The following CABCOCO1 variants were observed in gnomAD, a reference collection of about 807,000 sequenced individuals.
The protein encoded by CABCOCO1 is ciliary associated calcium binding coiled-coil 1.
In CABCOCO1, 28 loss-of-function variants were observed where a neutral mutation model predicts 35.7. The ratio of observed to expected loss-of-function variants is 0.78; its 90% CI spans 0.58 to 1.07. CABCOCO1 has a LOEUF of 1.07. Among genes scored for constraint, CABCOCO1 ranks in the 50% least tolerant of loss-of-function variants. The pLI, the probability that CABCOCO1 is intolerant of heterozygous loss-of-function variation, is 0.00. For synonymous variants in CABCOCO1, 95 were observed against 100.1 expected, an observed-to-expected ratio of 0.95 and a Z score of 0.30; for missense variants, 326 against 309.2, an observed-to-expected ratio of 1.05 and a Z score of -0.41.
rs527892199 is a variant in CABCOCO1, at chr10:61,726,108, G to A, written c.553-33951G>A. 5.7e-4 allele frequency among the ~76,000 whole-genome samples: 87 copies of A among 152,192 alleles called. No homozygotes were observed. The Middle Eastern group carries it at 0.017, about 30-fold the overall frequency. ...TAAAATCTATCAAAATTTTAGGCAG[G>A]CATACCCCTTGACATAGCAATTTTA... On this transcript the variant is annotated intron_variant, in intron 5 of 7. Coordinates refer to ENST00000648843, the MANE Select transcript of CABCOCO1 (RefSeq NM_001366906.2).
At chr10:61,702,292 A>G (rs1490971913) in intron 5 of CABCOCO1, among the ~76,000 whole-genome samples, 1 of 152,148 alleles carries the variant, frequency 6.6e-6, no homozygotes, top group African/African-American at 2.4e-5. Context: ...TTCAATTTAA[A>G]CTATTTTGTC....
At chr10:61,676,114 G>T (rs1221360382) in intron 2 of CABCOCO1, among the ~76,000 whole-genome samples, 2 of 152,168 alleles carry the variant, frequency 1.3e-5, no homozygotes, top group African/African-American at 4.8e-5. Context: ...TAACCAAAAT[G>T]TAGGAAGTCA....
intron 5 of CABCOCO1, among the ~76,000 whole-genome samples, chr10:61,709,693 TA>T (rs35028169): frequency 0.15 from 21,765 of 145,420 alleles, 1,996 homozygotes; most frequent in East Asian, 0.24. Context: ...CCCTCAAATT[TA>T]AAAAAAAAAA....
chr10:61,701,489 T>C (rs545854591), intron 5 of CABCOCO1, among the ~76,000 whole-genome samples: 1 of 152,278 alleles, frequency 6.6e-6, no homozygotes, highest in Non-Finnish European at 1.5e-5. Flanking sequence ...GTGATAACAA[T>C]ACGACCTAGA....
chr10:61,742,159 G>T (rs908468352), intron 5 of CABCOCO1, among the ~76,000 whole-genome samples: 1 of 152,168 alleles, frequency 6.6e-6, no homozygotes, highest in Non-Finnish European at 1.5e-5. Context: ...GAGGAATTAA[G>T]AATGCCTTCC....
intron 5 of CABCOCO1, chr10:61,701,829 G>A (rs930730817): frequency 9.3e-6 from 9 of 964,990 alleles, no homozygotes; most frequent in Middle Eastern, 5.3e-4. Context: ...AAAAAGAAAA[G>A]ATTCAGAGTG....
chr10:61,709,076 T>C (rs756659627), intron 5 of CABCOCO1, among the ~76,000 whole-genome samples: 66 of 152,264 alleles, frequency 4.3e-4, no homozygotes, highest in Middle Eastern at 3.4e-3. Flanking sequence ...TTGGAAGAAG[T>C]CCCACTTCTG....
intron 5 of CABCOCO1, 70 bp downstream of exon 5, chr10:61,690,691 TTTAACTGC>T: frequency 1.0e-6 from 1 of 996,262 alleles, no homozygotes; most frequent in Non-Finnish European, 1.5e-6. Context: ...CATCTGGATC[TTTAACTGC>T]TTAAAGCAAC....
At chr10:61,747,148 T>G (rs887863898) in intron 5 of CABCOCO1, among the ~76,000 whole-genome samples, 10 of 152,212 alleles carry the variant, frequency 6.6e-5, no homozygotes, top group Non-Finnish European at 2.9e-5. Flanking sequence ...GTTGTATTTC[T>G]GTGTCTAAAA....
intron 5 of CABCOCO1, among the ~76,000 whole-genome samples, chr10:61,729,497 C>T (rs987992349): frequency 2.0e-5 from 3 of 152,078 alleles, no homozygotes; most frequent in South Asian, 4.1e-4. Context: ...GAAATTGGTA[C>T]CCTTGTACAC....
intron 2 of CABCOCO1, among the ~76,000 whole-genome samples, chr10:61,680,652 T>TAACATATA (rs1396683471): frequency 2.6e-5 from 1 of 38,046 alleles, no homozygotes; most frequent in Non-Finnish European, 6.5e-5. Context: ...ATAATATATA[T>TAACATATA]TATGTTATAC....
intron 5 of CABCOCO1, among the ~76,000 whole-genome samples, chr10:61,695,632 CAA>C (rs2132004238): frequency 6.6e-6 from 1 of 151,884 alleles, no homozygotes; most frequent in African/African-American, 2.4e-5. Flanking sequence ...CCATAGAAAA[CAA>C]AAGACATATG....
chr10:61,689,990 T>C (rs1324030374), intron 4 of CABCOCO1, among the ~76,000 whole-genome samples: 1 of 152,176 alleles, frequency 6.6e-6, no homozygotes. Context: ...TTCCCTTTCA[T>C]GTATGACCGA....
intron 5 of CABCOCO1, among the ~76,000 whole-genome samples, chr10:61,741,605 A>C (rs1483780419): frequency 1.3e-5 from 2 of 152,178 alleles, no homozygotes; most frequent in African/African-American, 2.4e-5. Context: ...AAGCTTTCCT[A>C]AACTATTAAT....
intron 5 of CABCOCO1, among the ~76,000 whole-genome samples, chr10:61,707,655 A>G (rs1323370425): frequency 6.6e-6 from 1 of 152,120 alleles, no homozygotes; most frequent in Non-Finnish European, 1.5e-5. Flanking sequence ...ACAGTCCACA[A>G]TCACCATTCT....
intron 5 of CABCOCO1, among the ~76,000 whole-genome samples, chr10:61,710,920 C>A (rs1455418620): frequency 6.6e-6 from 1 of 151,712 alleles, no homozygotes; most frequent in African/African-American, 2.4e-5. Flanking sequence ...CCATGGTGGT[C>A]AAATGACCCA....
At chr10:61,700,699 T>C (rs1858399899) in intron 5 of CABCOCO1, among the ~76,000 whole-genome samples, 1 of 152,030 alleles carries the variant, frequency 6.6e-6, no homozygotes, top group Non-Finnish European at 1.5e-5. Context: ...TATGGGTGCA[T>C]ATATTTGATT....
chr10:61,683,040 G>A (rs1839846607), intron 3 of CABCOCO1, among the ~76,000 whole-genome samples: 1 of 151,912 alleles, frequency 6.6e-6, no homozygotes, highest in South Asian at 2.1e-4. Flanking sequence ...ACAGGCATGC[G>A]CTACCACGCC....
intron 5 of CABCOCO1, among the ~76,000 whole-genome samples, chr10:61,749,183 G>T (rs1215990686): frequency 1.3e-5 from 2 of 152,138 alleles, no homozygotes; most frequent in African/African-American, 4.8e-5. Context: ...GCAAGTAAGT[G>T]TTAATTAAAA....
Sources: gnomAD v4.1 joint callset for allele counts (sites outside exome capture counted in the v4.1 genomes callset) on GRCh38, gnomAD v4.1.1 for gene constraint, MANE v1.5 for transcripts, NCBI Gene and HGNC (gene_info 2026-07-23, HGNC 2026-07-21) for gene names.